The following MACROD1 variants were observed in gnomAD, a reference collection of about 807,000 sequenced individuals.
The protein encoded by MACROD1 is mono-ADP ribosylhydrolase 1.
A neutral mutation model predicts 41.4 loss-of-function variants in MACROD1; 31 were observed. That is an observed-to-expected ratio of 0.75 (90% confidence interval 0.56 to 1.01). MACROD1 has a LOEUF of 1.01. Ranked by LOEUF, MACROD1 falls within the 50% of genes least tolerant of loss-of-function variation. The probability of loss-of-function intolerance (pLI) is 0.00; values close to 1 mark genes in which losing one functional copy is unlikely to be tolerated. For missense variants in MACROD1, 473 were observed against 460.0 expected, an observed-to-expected ratio of 1.03 and a Z score of -0.26; for synonymous variants, 252 against 203.4, an observed-to-expected ratio of 1.24 and a Z score of -2.03.
At chr11:64,050,580 C>G (rs1402886155) in intron 3 of MACROD1, among the ~76,000 whole-genome samples, 3 of 152,218 alleles carry the variant, frequency 2.0e-5, no homozygotes, top group Non-Finnish European at 4.4e-5. Context: ...TAAGGACAGG[C>G]CTGGCACACA....
At chr11:64,138,864 T>C (rs1945369866) in intron 3 of MACROD1, among the ~76,000 whole-genome samples, 1 of 151,816 alleles carries the variant, frequency 6.6e-6, no homozygotes, top group African/African-American at 2.4e-5. Context: ...GCCTCCCAGG[T>C]TCAAGCAATT....
chr11:64,021,904 G>A lies in MACROD1; in HGVS notation c.518-6623C>T, dbSNP rs930526477. Among the ~76,000 whole-genome samples, 5 of 138,448 alleles carry A rather than the reference G, an allele frequency of 3.6e-5. No individual in the cohort carries two copies. In the Admixed American group the frequency reaches 3.7e-4, roughly 10 times the overall value. 90.8% of individuals were successfully genotyped at this position (138,448 alleles called of 152,430 possible). A position where few individuals can be genotyped will look rare whatever the true frequency, so the allele number is the denominator to read the frequency against. On this transcript the variant is annotated intron_variant, in intron 3 of 10. Transcript: ENST00000255681. ...AATCCCTGTGAGTGCCAGAGGCCGA[G>A]AAGGAAATGCAAGGGAGTGGCAGGG...
At chr11:64,113,639 ATGG>A (rs1944904952) in intron 3 of MACROD1, among the ~76,000 whole-genome samples, 1 of 145,178 alleles carries the variant, frequency 6.9e-6, no homozygotes, top group Non-Finnish European at 1.5e-5. Context: ...GGATGGATGG[ATGG>A]ATGGATGGGC....
intron 3 of MACROD1, chr11:64,117,357 C>T (rs761256926): frequency 3.7e-6 from 6 of 1,613,550 alleles, no homozygotes; most frequent in Non-Finnish European, 4.2e-6. Flanking sequence ...TGAGAAGGTC[C>T]GGGGCATGGC....
chr11:64,033,304 G>A (rs922801029), intron 3 of MACROD1, among the ~76,000 whole-genome samples: 3 of 152,196 alleles, frequency 2.0e-5, no homozygotes, highest in East Asian at 1.9e-4. Flanking sequence ...CATATCCCCC[G>A]AACTGTGCAC....
Position 63,998,821 on chromosome 11 carries a change from G to A in MACROD1, c.*30+17C>T, listed in dbSNP as rs745670755. 9 of 1,543,758 alleles carry A rather than the reference G, an allele frequency of 5.8e-6. No homozygotes were observed. Among genetic ancestry groups the A allele is most frequent in the East Asian group, 2.3e-5 (1 of 43,712 alleles). ...GTCTAGGGCCGGGGCCGCCGCACGGGGCGAGGCCCTGCTTACCAGTCCCGG... is the reference window on the plus strand; with the variant it reads ...GTCTAGGGCCGGGGCCGCCGCACGGAGCGAGGCCCTGCTTACCAGTCCCGG... On this transcript the variant is annotated intron_variant, in intron 10 of 10. Coordinates refer to ENST00000255681, the MANE Select transcript of MACROD1 (RefSeq NM_014067.4).
At chr11:64,012,746 G>A (rs566492161) in intron 4 of MACROD1, among the ~76,000 whole-genome samples, 2 of 152,326 alleles carry the variant, frequency 1.3e-5, no homozygotes, top group Non-Finnish European at 2.9e-5. Context: ...ATGTTGGCCA[G>A]GCTGGTCTCG....
intron 3 of MACROD1, among the ~76,000 whole-genome samples, chr11:64,022,045 G>GGAAGC (rs1178486797): frequency 3.3e-5 from 5 of 151,212 alleles, no homozygotes; most frequent in Admixed American, 3.3e-4. Flanking sequence ...CAGGGGTGGG[G>GGAAGC]GACGAGGAGC....
intron 3 of MACROD1, among the ~76,000 whole-genome samples, chr11:64,038,240 C>G (rs574250): frequency 0.36 from 55,033 of 152,122 alleles, 12,844 homozygotes; most frequent in African/African-American, 0.67. Context: ...TGTAGAGATT[C>G]ATGCCTGGTG....
At chr11:64,084,157 C>T (rs767374573) in intron 3 of MACROD1, among the ~76,000 whole-genome samples, 2 of 152,146 alleles carry the variant, frequency 1.3e-5, no homozygotes, top group African/African-American at 2.4e-5. Flanking sequence ...GCATGGCACG[C>T]GCGCCTTCTG....
chr11:64,152,891 G>A (rs1361820342), intron 1 of MACROD1, among the ~76,000 whole-genome samples: 1 of 152,196 alleles, frequency 6.6e-6, no homozygotes, highest in South Asian at 2.1e-4. Flanking sequence ...TCCTCCTCCA[G>A]GAGCTGCAGG....
At chr11:64,139,514 C>G (rs903575700) in intron 3 of MACROD1, among the ~76,000 whole-genome samples, 1 of 152,188 alleles carries the variant, frequency 6.6e-6, no homozygotes, top group Admixed American at 6.5e-5. Flanking sequence ...CCCCTGCCCT[C>G]GAGGGGCTCG....
At chr11:64,114,834 C>T (rs1944947047) in intron 3 of MACROD1, among the ~76,000 whole-genome samples, 1 of 152,138 alleles carries the variant, frequency 6.6e-6, no homozygotes, top group Non-Finnish European at 1.5e-5. Context: ...CAGAGGGAAG[C>T]TTTATCTGGG....
intron 3 of MACROD1, among the ~76,000 whole-genome samples, chr11:64,097,580 C>G (rs975701849): frequency 4.6e-5 from 7 of 152,196 alleles, no homozygotes; most frequent in Non-Finnish European, 7.4e-5. Context: ...GGCTCGCACA[C>G]TCTCGCAAAT....
intron 3 of MACROD1, among the ~76,000 whole-genome samples, chr11:64,091,671 G>C (rs867447646): frequency 6.6e-6 from 1 of 152,154 alleles, no homozygotes; most frequent in Non-Finnish European, 1.5e-5. Context: ...GAAGACACTC[G>C]GCCCAAGGGG....
At chr11:64,129,734 G>A (rs1032280582) in intron 3 of MACROD1, among the ~76,000 whole-genome samples, 1 of 152,202 alleles carries the variant, frequency 6.6e-6, no homozygotes, top group African/African-American at 2.4e-5. Context: ...ACGGCCTGCT[G>A]AAGAGGATGA....
rs965596584 is a variant in MACROD1 at position 64,096,001 on chromosome 11, G to A, written c.517+55238C>T. Among the ~76,000 whole-genome samples, 2 of 152,154 alleles carry A rather than the reference G, an allele frequency of 1.3e-5. No individual in the cohort carries two copies. Among genetic ancestry groups the A allele is most frequent in the African/African-American group, 2.4e-5 (1 of 41,446 alleles). On this transcript the variant is annotated intron_variant, in intron 3 of 10. Transcript: ENST00000255681. The surrounding 1 kb of genome is among the most constrained non-coding windows in gnomAD (Gnocchi z 4.6). ...CCACCCCCCAGGGGCCCATGAGCCT[G>A]CAGGATATGTCGCGCTGCAGCCAGC... is the stretch of plus-strand genomic sequence containing the variant.
chr11:64,006,024 G>A lies in MACROD1; in HGVS notation c.548-5681C>T, dbSNP rs146359430. Among the ~76,000 whole-genome samples the A allele has an allele frequency of 3.5e-3, 526 of 152,334 alleles. 7 individuals are homozygous for A. Among genetic ancestry groups the A allele is most frequent in the African/African-American group, 0.012 (498 of 41,562 alleles). On this transcript the variant is annotated intron_variant, in intron 4 of 10. Coordinates refer to ENST00000255681, the MANE Select transcript of MACROD1 (RefSeq NM_014067.4). ...TTTCCCTCTCTGGAGGAGGGCTACAGAAATACCAGATGCCAAGGCAGAAAG... is the reference window on the plus strand; with the variant it reads ...TTTCCCTCTCTGGAGGAGGGCTACAAAAATACCAGATGCCAAGGCAGAAAG...
chr11:64,086,983 C>T (rs559932514), intron 3 of MACROD1: 9 of 152,234 alleles, frequency 5.9e-5, no homozygotes, highest in African/African-American at 1.9e-4. Context: ...GAGATGACCC[C>T]TCCCCGGCCT....
Sources: gnomAD v4.1 joint callset for allele counts (sites outside exome capture counted in the v4.1 genomes callset) on GRCh38, gnomAD v4.1.1 for gene constraint, Gnocchi (gnomAD v3.1) non-coding constraint, MANE v1.5 for transcripts, NCBI Gene and HGNC (gene_info 2026-07-23, HGNC 2026-07-21) for gene names.